XBP1: variants seen among roughly 807,000 people sequenced by gnomAD.
XBP1 encodes X-box-binding protein 1.
Under a neutral mutation model 34.6 loss-of-function variants are expected in XBP1, and 18 were observed. The ratio of observed to expected loss-of-function variants is 0.52; its 90% confidence interval spans 0.36 to 0.77. The LOEUF is 0.77. Among genes scored for constraint, XBP1 ranks in the 30% least tolerant of loss-of-function variants. XBP1 has a pLI of 0.00. For synonymous variants in XBP1, 191 were observed against 193.4 expected (o/e 0.99, Z 0.11); for missense variants, 422 against 464.6 (o/e 0.91, Z 0.84).
intron 2 of XBP1, 66 bp from the exon 3 acceptor site, chr22:28,797,271 C>G: frequency 6.5e-7 from 1 of 1,541,460 alleles, no homozygotes; most frequent in East Asian, 2.3e-5. Context: ...CTACCTGATT[C>G]AGTATAATTG....
intron 2 of XBP1, among the ~76,000 whole-genome samples, chr22:28,798,090 C>A (rs2031783025): frequency 1.3e-5 from 2 of 152,104 alleles, no homozygotes; most frequent in South Asian, 4.1e-4. Flanking sequence ...GGGAAAGGAA[C>A]CTTTAGTGAA....
At chr22:28,794,967 C>A (rs889705100), downstream of XBP1, 20 of 417,344 alleles carry the variant, frequency 4.8e-5, no homozygotes, top group Admixed American at 8.2e-5. Flanking sequence ...ATATTTCTTA[C>A]TTCCAGTAAT....
intron 5 of XBP1, 43 bp downstream of exon 5, chr22:28,796,004 T>C (rs773786385): frequency 6.2e-7 from 1 of 1,611,414 alleles, no homozygotes; most frequent in South Asian, 1.1e-5. Context: ...CAGATGGAAT[T>C]AACTGGTTAT....
At chr22:28,799,798 C>A (rs527781372) in intron 1 of XBP1, among the ~76,000 whole-genome samples, 1 of 152,224 alleles carries the variant, frequency 6.6e-6, no homozygotes, top group Non-Finnish European at 1.5e-5. Context: ...ATATCCAAGT[C>A]TCAATCTCCC....
intron 2 of XBP1, among the ~76,000 whole-genome samples, chr22:28,798,682 T>C (rs2031796829): frequency 6.7e-6 from 1 of 149,732 alleles, no homozygotes; most frequent in Non-Finnish European, 1.5e-5. Flanking sequence ...CGATCTCAGC[T>C]CACTGCAACC....
chr22:28,795,489 C>G, exon 6 of XBP1: 3 of 1,614,170 alleles, frequency 1.9e-6, no homozygotes, highest in Non-Finnish European at 2.5e-6. Context: ...GCTTGGCTCT[C>G]TGTCTCAGAG....
chr22:28,796,375 G>A (rs191297457), intron 3 of XBP1, 183 bp from the exon 4 acceptor site: 215 of 516,344 alleles, frequency 4.2e-4, no homozygotes, highest in Admixed American at 1.2e-3. Context: ...ATATTTGCCA[G>A]TTCTGCTTGA....
chr22:28,795,927 C>A, intron 5 of XBP1, 120 bp downstream of exon 5: 1 of 1,375,978 alleles, frequency 7.3e-7, no homozygotes, highest in Non-Finnish European at 1.0e-6. Context: ...AGTTGATGTT[C>A]ACCTCCAACC....
In XBP1 at chr22:28,797,004, T is replaced by A; in HGVS notation, c.453+73A>T. On this transcript the variant is annotated intron_variant, in intron 3 of 5. Transcript: ENST00000344347. ...CGCTCTTGATCAGAAGTCCAGACTG[T>A]AAACATAATCGCTGGGTCATGTCAC... The A allele has an allele frequency of 3.9e-6, 6 of 1,527,276 alleles. No homozygotes were observed. The Middle Eastern group carries it at 5.3e-4, about 135-fold the overall frequency. 94.6% of individuals were successfully genotyped at this position (1,527,276 alleles called of 1,614,324 possible). A position where few individuals can be genotyped will look rare whatever the true frequency, so the allele number is the denominator to read the frequency against.
At chr22:28,800,199 G>A (rs1462872472) in intron 1 of XBP1, 99 bp downstream of exon 1, 6 of 1,372,820 alleles carry the variant, frequency 4.4e-6, no homozygotes, top group East Asian at 2.5e-5. Context: ...GGAGCCCTGC[G>A]GGGCGGCCAG....
exon 1 of XBP1, chr22:28,800,461 C>T (rs1601440054): frequency 1.4e-6 from 2 of 1,476,016 alleles, no homozygotes; most frequent in South Asian, 1.3e-5. Flanking sequence ...GCGGGCTGCC[C>T]CGACAGAAGC....
In XBP1 at chr22:28,800,177, G is replaced by A. The variant is rs543643112; in HGVS notation, c.227+121C>T. On this transcript the variant is annotated intron_variant, in intron 1 of 5. Transcript: ENST00000344347. ...CGCCACGCTGGCACCGACCCGCCAG[G>A]CCAAAGGCGACGGAGCCCTGCGGGG... The A allele has an allele frequency of 9.8e-5, 120 of 1,223,844 alleles. No individual in the cohort carries two copies. The African/African-American group carries it at 1.6e-3, about 16-fold the overall frequency. 75.8% of individuals were successfully genotyped at this position (1,223,844 alleles called of 1,614,324 possible). A position where few individuals can be genotyped will look rare whatever the true frequency, so the allele number is the denominator to read the frequency against.
chr22:28,799,259 A>T (rs1378287460), intron 1 of XBP1, 106 bp from the exon 2 acceptor site: 1 of 756,728 alleles, frequency 1.3e-6, no homozygotes, highest in African/African-American at 1.8e-5. Flanking sequence ...ACAGTATAAG[A>T]CAGACTAATG....
intron 2 of XBP1, 152 bp from the exon 3 acceptor site, chr22:28,797,357 T>A: frequency 1.1e-6 from 1 of 929,772 alleles, no homozygotes; most frequent in Non-Finnish European, 1.5e-6. Flanking sequence ...AGCTAGGCCA[T>A]AATTATGGAA....
exon 6 of XBP1, chr22:28,795,474 C>G (rs775580003): frequency 6.2e-7 from 1 of 1,613,806 alleles, no homozygotes. Context: ...TTCACTACCA[C>G]ATTAGCTTGG....
chr22:28,796,896 A>T (rs1322355894), intron 3 of XBP1, 181 bp downstream of exon 3: 1 of 640,878 alleles, frequency 1.6e-6, no homozygotes, highest in Admixed American at 3.4e-5. Context: ...CTACACACTT[A>T]AAAAATGAGT....
exon 6 of XBP1, chr22:28,795,628 T>C: frequency 6.2e-7 from 1 of 1,613,016 alleles, no homozygotes; most frequent in East Asian, 2.2e-5. Flanking sequence ...TGGGTCCTTC[T>C]GGGTAGACCT....
chr22:28,800,208 AGT>A, intron 1 of XBP1, 88 bp downstream of exon 1: 1 of 1,412,018 alleles, frequency 7.1e-7, no homozygotes, highest in East Asian at 2.5e-5. Flanking sequence ...CGGGGCGGCC[AGT>A]GCTGGGTCCC....
chr22:28,800,491 C>A, exon 1 of XBP1: 1 of 1,485,178 alleles, frequency 6.7e-7, no homozygotes, highest in South Asian at 1.3e-5. Flanking sequence ...GGGGTCCCGT[C>A]GGCCGGGTTC....
Sources: gnomAD v4.1 joint callset for allele counts (sites outside exome capture counted in the v4.1 genomes callset) on GRCh38, gnomAD v4.1.1 for gene constraint, MANE v1.5 for transcripts, NCBI Gene and HGNC (gene_info 2026-07-23, HGNC 2026-07-21) for gene names.